Variants in SIPA1L3 observed in about 807,000 individuals in gnomAD.
SIPA1L3 encodes signal induced proliferation associated 1 like 3.
A neutral mutation model predicts 150.1 loss-of-function variants in SIPA1L3; 59 were observed. The ratio of observed to expected loss-of-function variants is 0.39; its 90% CI spans 0.32 to 0.49. The LOEUF is 0.49. Ranked by LOEUF, SIPA1L3 falls within the 20% of genes least tolerant of loss-of-function variation. The pLI is 0.86. For missense variants in SIPA1L3, 2,211 were observed against 2,489.5 expected (o/e 0.89, Z 2.38); for synonymous variants, 1,070 against 1,077.6 (o/e 0.99, Z 0.14).
chr19:38,179,959 C>T (rs1415941347), intron 15 of SIPA1L3, among the ~76,000 whole-genome samples: 1 of 152,144 alleles, frequency 6.6e-6, no homozygotes, highest in Non-Finnish European at 1.5e-5. Flanking sequence ...TCTCCTGCCT[C>T]AGCCTCCTGA....
intron 1 of SIPA1L3, among the ~76,000 whole-genome samples, chr19:37,998,997 A>C (rs1355696743): frequency 2.0e-5 from 3 of 151,484 alleles, no homozygotes; most frequent in Non-Finnish European, 4.4e-5. Flanking sequence ...ACACACACAC[A>C]CACACACACA....
At chr19:38,149,635 T>C (rs1036957697) in intron 12 of SIPA1L3, among the ~76,000 whole-genome samples, 1 of 152,226 alleles carries the variant, frequency 6.6e-6, no homozygotes, top group Non-Finnish European at 1.5e-5. Flanking sequence ...CTTGGCCTTT[T>C]GCCTCCTGGT....
chr19:38,063,254 A>G (rs1313792807), intron 2 of SIPA1L3, among the ~76,000 whole-genome samples: 2 of 150,654 alleles, frequency 1.3e-5, no homozygotes, highest in Non-Finnish European at 3.0e-5. Context: ...TGTGTCCAGC[A>G]CCTGCACCGC....
rs765404105 is a variant in SIPA1L3, at chr19:38,178,086, G to GGTGTGTGT, written c.4209-4388_4209-4381dup. On this transcript the variant is annotated intron_variant, in intron 15 of 21. Coordinates refer to ENST00000222345, the MANE Select transcript of SIPA1L3 (RefSeq NM_015073.3). ...CCTGTGTGTGCTTGTGCAGGCTTTT[G>GGTGTGTGT]GTGTGTGTGTGTGTGTGTGTGTGTG... Among the ~76,000 whole-genome samples, 590 of 130,968 alleles carry GGTGTGTGT rather than the reference G, an allele frequency of 4.5e-3. 5 individuals carry two copies. The highest frequency in any genetic ancestry group is 7.0e-3 in the Non-Finnish European group (432 of 61,382). 85.9% of individuals were successfully genotyped at this position (130,968 alleles called of 152,430 possible). A position where few individuals can be genotyped will look rare whatever the true frequency, so the allele number is the denominator to read the frequency against.
chr19:38,026,597 C>A (rs1968515677), intron 1 of SIPA1L3, among the ~76,000 whole-genome samples: 1 of 152,138 alleles, frequency 6.6e-6, no homozygotes, highest in South Asian at 2.1e-4. Context: ...GAACCCCTTC[C>A]CATACTAACT....
chr19:38,033,842 T>G (rs142577785), intron 2 of SIPA1L3, among the ~76,000 whole-genome samples: 1 of 152,294 alleles, frequency 6.6e-6, no homozygotes, highest in Non-Finnish European at 1.5e-5. Flanking sequence ...GCAGCGGGCC[T>G]GAGCTGAAAT....
chr19:38,187,613 A>G (rs1600188477), intron 16 of SIPA1L3, among the ~76,000 whole-genome samples: 1 of 140,920 alleles, frequency 7.1e-6, no homozygotes, highest in South Asian at 2.5e-4. Context: ...GCTACTCGGG[A>G]GGCTGAGGCA....
intron 2 of SIPA1L3, among the ~76,000 whole-genome samples, chr19:38,059,597 C>T (rs1043489524): frequency 6.6e-6 from 1 of 152,098 alleles, no homozygotes; most frequent in African/African-American, 2.4e-5. Context: ...ATAACTCATG[C>T]AATACAAAAG....
intron 1 of SIPA1L3, among the ~76,000 whole-genome samples, chr19:37,966,233 G>A (rs753413528): frequency 6.6e-6 from 1 of 152,228 alleles, no homozygotes; most frequent in Non-Finnish European, 1.5e-5. Context: ...AGGAGGAATC[G>A]GCACTGCAGG....
chr19:38,033,064 C>T (rs1015602980), intron 2 of SIPA1L3, among the ~76,000 whole-genome samples: 3 of 152,260 alleles, frequency 2.0e-5, no homozygotes, highest in East Asian at 1.9e-4. Context: ...CACAGCCATC[C>T]GGGAGATCAC....
Position 38,152,921 on chromosome 19 carries a change from C to T in SIPA1L3, c.3615C>T (p.Ser1205=), listed in dbSNP as rs567105060. The change falls in exon 13 of 22, where the codon TCC becomes TCT. Residue 1205 remains serine, a synonymous_variant. Transcript: ENST00000222345. ...HDGTSSGDSS[S]GGLTSQESTM... ...GGACGTCCAGCGGCGACTCCTCTTC[C>T]GGCGGCCTGACCAGCCAGGAGAGCA... 3.8e-5 allele frequency: 62 copies of T among 1,613,794 alleles called. No homozygotes were observed. In the East Asian group the frequency reaches 5.3e-4, roughly 14 times the overall value.
chr19:38,102,592 G>GA (rs71179412), intron 6 of SIPA1L3, among the ~76,000 whole-genome samples: 4,289 of 66,464 alleles, frequency 0.065, 141 homozygotes, highest in Middle Eastern at 0.18. Flanking sequence ...CCCTGTCTCT[G>GA]AAAAAAAAAA....
chr19:38,171,543 C>A (rs956707427), intron 15 of SIPA1L3, among the ~76,000 whole-genome samples: 1 of 151,850 alleles, frequency 6.6e-6, no homozygotes, highest in Non-Finnish European at 1.5e-5. Context: ...CAGGCACCTG[C>A]CACCACGCCC....
intron 2 of SIPA1L3, among the ~76,000 whole-genome samples, chr19:38,074,889 C>T (rs1037978401): frequency 2.0e-5 from 3 of 152,140 alleles, no homozygotes; most frequent in Non-Finnish European, 2.9e-5. Flanking sequence ...TACGCCACCA[C>T]GCCTGGCTAA....
chr19:38,017,153 T>C (rs907314460), intron 1 of SIPA1L3, among the ~76,000 whole-genome samples: 3 of 152,138 alleles, frequency 2.0e-5, no homozygotes, highest in Non-Finnish European at 2.9e-5. Flanking sequence ...TGCCTCGGCC[T>C]CCCAAAGTGC....
chr19:37,937,979 G>A (rs372116541), intron 1 of SIPA1L3, among the ~76,000 whole-genome samples: 3 of 151,458 alleles, frequency 2.0e-5, no homozygotes, highest in East Asian at 3.9e-4. Context: ...CCCAGGAGGC[G>A]GAGGTTGCAG....
At chr19:37,941,366 C>T (rs2046655931) in intron 1 of SIPA1L3, among the ~76,000 whole-genome samples, 1 of 151,978 alleles carries the variant, frequency 6.6e-6, no homozygotes, top group South Asian at 2.1e-4. Flanking sequence ...ATTCAGTTAT[C>T]CTGAGGGTAC....
chr19:38,162,976 C>G (rs1351871979), intron 14 of SIPA1L3, among the ~76,000 whole-genome samples: 2 of 152,184 alleles, frequency 1.3e-5, no homozygotes, highest in Non-Finnish European at 2.9e-5. Flanking sequence ...CCCAGGAAGG[C>G]TGGGGATGTA....
intron 2 of SIPA1L3, among the ~76,000 whole-genome samples, chr19:38,078,266 C>T (rs1969892607): frequency 6.6e-6 from 1 of 152,194 alleles, no homozygotes; most frequent in African/African-American, 2.4e-5. Flanking sequence ...GGGGCTCCCC[C>T]TTGCTCCCCA....
Sources: gnomAD v4.1 joint callset for allele counts (sites outside exome capture counted in the v4.1 genomes callset) on GRCh38, gnomAD v4.1.1 for gene constraint, MANE v1.5 for transcripts, NCBI Gene and HGNC (gene_info 2026-07-23, HGNC 2026-07-21) for gene names.